Variants in KCNQ5 observed in about 807,000 individuals in gnomAD.
The protein encoded by KCNQ5 is potassium voltage-gated channel subfamily Q member 5, also known as potassium voltage-gated channel subfamily KQT member 5.
KCNQ5 carries 30 observed loss-of-function variants against 98.2 expected under a neutral mutation model. That is an observed-to-expected ratio of 0.31 (90% confidence interval 0.23 to 0.41). The LOEUF (loss-of-function observed/expected upper bound fraction) is 0.41. KCNQ5 is among the 10% of genes least tolerant of loss of function. The pLI is 1.00. For missense variants in KCNQ5, 835 were observed against 1,182.5 expected (o/e 0.71, Z 4.31); for synonymous variants, 458 against 449.4 (o/e 1.02, Z -0.24).
intron 11 of KCNQ5, among the ~76,000 whole-genome samples, chr6:73,185,491 G>C (rs973155716): frequency 6.6e-6 from 1 of 152,142 alleles, no homozygotes; most frequent in Non-Finnish European, 1.5e-5. Flanking sequence ...CAAAAGAAGT[G>C]ACTTTAAAAC....
intron 5 of KCNQ5, among the ~76,000 whole-genome samples, chr6:73,087,247 G>A (rs1193372525): frequency 6.6e-6 from 1 of 152,118 alleles, no homozygotes; most frequent in Non-Finnish European, 1.5e-5. Context: ...AGAAAAGGGG[G>A]TGAATTTGCA....
Position 72,997,416 on chromosome 6 carries a change from T to G in KCNQ5, c.399-6492T>G, listed in dbSNP as rs74849017. Among the ~76,000 whole-genome samples, 1,115 of 152,240 alleles carry G rather than the reference T, an allele frequency of 7.3e-3. 17 individuals are homozygous for G. Among genetic ancestry groups the G allele is most frequent in the African/African-American group, 0.026 (1,068 of 41,534 alleles). ...GTTTCCCATACCCTCCAATTTCCTCTTAACATCCCACATGTAAAATGCAAT... is the reference window on the plus strand; with the variant it reads ...GTTTCCCATACCCTCCAATTTCCTCGTAACATCCCACATGTAAAATGCAAT... On this transcript the variant is annotated intron_variant, in intron 1 of 13. Coordinates refer to ENST00000370398, the MANE Select transcript of KCNQ5 (RefSeq NM_019842.4).
rs1041457595 is a variant in KCNQ5 at position 73,174,966 on chromosome 6, A to G, written c.1577+5112A>G. Among the ~76,000 whole-genome samples the G allele has an allele frequency of 2.6e-5, 4 of 151,976 alleles. No individual in the cohort carries two copies. In the East Asian group the frequency reaches 5.8e-4, roughly 22 times the overall value. ...GTCAGTCTTTTCCTTTCTGAGCTCC[A>G]CCCGCTTCCATGATGAGTCACATGA... On this transcript the variant is annotated intron_variant, in intron 11 of 13. Transcript: ENST00000370398.
At chr6:72,866,252 C>CTTT (rs34839143) in intron 1 of KCNQ5, among the ~76,000 whole-genome samples, 25 of 113,770 alleles carry the variant, frequency 2.2e-4, no homozygotes, top group African/African-American at 6.8e-4. Flanking sequence ...CGCCATCTCC[C>CTTT]TTTTTTTTTT....
chr6:73,054,618 A>G (rs907056843), intron 3 of KCNQ5, among the ~76,000 whole-genome samples: 1 of 152,250 alleles, frequency 6.6e-6, no homozygotes, highest in Non-Finnish European at 1.5e-5. Flanking sequence ...ATAAATGCAG[A>G]AAAGGCTTTT....
intron 1 of KCNQ5, among the ~76,000 whole-genome samples, chr6:72,897,112 A>T (rs1779283888): frequency 6.6e-6 from 1 of 152,186 alleles, no homozygotes; most frequent in Admixed American, 6.5e-5. Flanking sequence ...TGGGAAGAGC[A>T]GAGTACTCCA....
At chr6:73,049,496 G>A (rs1349734848) in intron 3 of KCNQ5, among the ~76,000 whole-genome samples, 1 of 152,162 alleles carries the variant, frequency 6.6e-6, no homozygotes, top group Non-Finnish European at 1.5e-5. Context: ...GTAAAGCTAG[G>A]AATAGCATGC....
chr6:72,927,655 G>C (rs1006566863), intron 1 of KCNQ5, among the ~76,000 whole-genome samples: 1 of 152,120 alleles, frequency 6.6e-6, no homozygotes, highest in Admixed American at 6.5e-5. Flanking sequence ...CATGATATAA[G>C]TAATATGAAT....
intron 1 of KCNQ5, among the ~76,000 whole-genome samples, chr6:72,844,641 A>G (rs781471953): frequency 6.6e-5 from 10 of 152,350 alleles, no homozygotes; most frequent in South Asian, 6.2e-4. Flanking sequence ...TATTGCATAA[A>G]AGCAAAATTA....
chr6:73,067,863 GATATATATAT>G (rs71695883), intron 3 of KCNQ5, among the ~76,000 whole-genome samples: 7 of 4,386 alleles, frequency 1.6e-3, no homozygotes, highest in African/African-American at 1.8e-3. Context: ...TTGGACAAAA[GATATATATAT>G]ATATATATAT....
At chr6:73,048,692 T>C (rs1406285027) in intron 3 of KCNQ5, among the ~76,000 whole-genome samples, 2 of 152,210 alleles carry the variant, frequency 1.3e-5, no homozygotes, top group Non-Finnish European at 2.9e-5. Flanking sequence ...ATAAAAAACA[T>C]AAACATAAGT....
chr6:73,168,245 C>T (rs997045283), intron 10 of KCNQ5, among the ~76,000 whole-genome samples: 2 of 152,188 alleles, frequency 1.3e-5, no homozygotes, highest in Admixed American at 1.3e-4. Context: ...ATGAATGAAC[C>T]TCCAATAGCC....
intron 6 of KCNQ5, among the ~76,000 whole-genome samples, chr6:73,108,326 C>CTAAGAG (rs986171376): frequency 3.9e-5 from 6 of 152,144 alleles, no homozygotes; most frequent in Admixed American, 1.3e-4. Context: ...GATATTCCTG[C>CTAAGAG]TAAGAGTATT....
chr6:72,828,421 T>C (rs1217413248), intron 1 of KCNQ5, among the ~76,000 whole-genome samples: 2 of 152,104 alleles, frequency 1.3e-5, no homozygotes, highest in Non-Finnish European at 2.9e-5. Context: ...TTTTGTAGGG[T>C]TCCTTATAGA....
At chr6:73,097,053 T>G (rs1458922664) in intron 5 of KCNQ5, among the ~76,000 whole-genome samples, 5 of 151,028 alleles carry the variant, frequency 3.3e-5, no homozygotes. Context: ...AAAAAAAATG[T>G]GGTAAGAGAA....
chr6:72,915,456 A>C (rs557980456), intron 1 of KCNQ5, among the ~76,000 whole-genome samples: 3 of 152,338 alleles, frequency 2.0e-5, no homozygotes, highest in African/African-American at 7.2e-5. Flanking sequence ...ATCACAACAA[A>C]GAATCCAACA....
intron 2 of KCNQ5, among the ~76,000 whole-genome samples, chr6:73,013,794 C>T (rs2150332612): frequency 6.6e-6 from 1 of 152,218 alleles, no homozygotes; most frequent in Admixed American, 6.5e-5. Flanking sequence ...CAATGAAGTG[C>T]TCATGTCTAA....
chr6:73,081,058 G>C (rs540420065), intron 5 of KCNQ5, among the ~76,000 whole-genome samples: 1 of 152,334 alleles, frequency 6.6e-6, no homozygotes, highest in East Asian at 1.9e-4. Flanking sequence ...GCTATTGTTG[G>C]TGTAGACATC....
chr6:72,763,603 A>G (rs1582244197), intron 1 of KCNQ5, among the ~76,000 whole-genome samples: 1 of 152,162 alleles, frequency 6.6e-6, no homozygotes, highest in South Asian at 2.1e-4. Context: ...TGAAAATGTT[A>G]TGTTATGAGT....
Sources: gnomAD v4.1 joint callset for allele counts (sites outside exome capture counted in the v4.1 genomes callset) on GRCh38, gnomAD v4.1.1 for gene constraint, MANE v1.5 for transcripts, NCBI Gene and HGNC (gene_info 2026-07-23, HGNC 2026-07-21) for gene names.